The following TLK1 variants were observed in gnomAD, a reference collection of about 807,000 sequenced individuals.
The protein encoded by TLK1 is tousled like kinase 1.
A neutral mutation model predicts 105.3 loss-of-function variants in TLK1; 24 were observed. That is an observed-to-expected ratio of 0.23 (90% CI 0.17 to 0.32). The LOEUF is 0.32. TLK1 is among the 10% of genes least tolerant of loss of function. The probability of loss-of-function intolerance (pLI) is 1.00; values close to 1 mark genes in which losing one functional copy is unlikely to be tolerated. For synonymous variants in TLK1, 321 were observed against 310.4 expected (o/e 1.03, Z -0.36); for missense variants, 558 against 910.5 (o/e 0.61, Z 4.98).
intron 14 of TLK1, 44 bp from the exon 15 acceptor site, chr2:171,007,107 A>T: frequency 6.7e-7 from 1 of 1,500,078 alleles, no homozygotes; most frequent in Non-Finnish European, 9.1e-7. Flanking sequence ...AGACCAATTG[A>T]ATAGCTGAAG....
chr2:171,164,079 A>G (rs1290061148), upstream of TLK1, among the ~76,000 whole-genome samples: 1 of 152,222 alleles, frequency 6.6e-6, no homozygotes, highest in Non-Finnish European at 1.5e-5. Flanking sequence ...AATGATAACT[A>G]GAGGATTACA....
chr2:171,224,348 G>A (rs925787537), intron 1 of TLK1, among the ~76,000 whole-genome samples: 14 of 152,080 alleles, frequency 9.2e-5, no homozygotes, highest in African/African-American at 2.7e-4. Context: ...CTATAGCTTT[G>A]TAGTATAATT....
intron 1 of TLK1, among the ~76,000 whole-genome samples, chr2:171,136,050 A>G (rs1691308313): frequency 6.6e-6 from 1 of 152,210 alleles, no homozygotes; most frequent in Non-Finnish European, 1.5e-5. Flanking sequence ...CACGATACCC[A>G]AGAAGTGGAA....
chr2:171,186,773 CTT>C (rs2105310901), intron 1 of TLK1, among the ~76,000 whole-genome samples: 1 of 152,096 alleles, frequency 6.6e-6, no homozygotes, highest in African/African-American at 2.4e-5. Flanking sequence ...AAAGAATACT[CTT>C]TAGGCTGGGC....
intron 1 of TLK1, among the ~76,000 whole-genome samples, chr2:171,228,954 T>C (rs1234063864): frequency 2.0e-5 from 3 of 152,206 alleles, no homozygotes; most frequent in Non-Finnish European, 2.9e-5. Flanking sequence ...TGGAACAGAA[T>C]TGGGCATCTG....
chr2:171,133,802 T>C (rs1691200426), intron 1 of TLK1, among the ~76,000 whole-genome samples: 1 of 151,730 alleles, frequency 6.6e-6, no homozygotes, highest in African/African-American at 2.4e-5. Flanking sequence ...ATGAGGTATC[T>C]GGGGGATGGG....
In TLK1 at chr2:171,160,568, GGGGGAGGAAACCGAGAAGAGGGGAGGT is replaced by G. The variant is rs1692447293; in HGVS notation, c.-167_-141del. ...GCTGGGAGGGGAGAGTCAAGGGGAT[GGGGGAGGAAACCGAGAAGAGGGGAGGT>G]GGGGAGGAAAGAGGTGAGGGAAGGA... On this transcript the variant is annotated 5_prime_UTR_variant, in exon 1 of 21. Coordinates refer to ENST00000431350, the MANE Select transcript of TLK1 (RefSeq NM_012290.5). This position sits in a 1 kb window ranked among gnomAD's most constrained non-coding sequence, Gnocchi z 4.4. 13 of 1,426,608 alleles carry G rather than the reference GGGGGAGGAAACCGAGAAGAGGGGAGGT, an allele frequency of 9.1e-6. No homozygotes were observed. Among genetic ancestry groups the G allele is most frequent in the Non-Finnish European group, 1.2e-5 (13 of 1,060,122 alleles). 88.4% of individuals were successfully genotyped at this position (1,426,608 alleles called of 1,614,324 possible). A position where few individuals can be genotyped will look rare whatever the true frequency, so the allele number is the denominator to read the frequency against.
chr2:171,070,065 T>C (rs1688181719), intron 3 of TLK1, among the ~76,000 whole-genome samples: 1 of 152,166 alleles, frequency 6.6e-6, no homozygotes, highest in Non-Finnish European at 1.5e-5. Flanking sequence ...GCACCTATTA[T>C]GGTAAAGAAC....
At chr2:171,170,970 C>T (rs111567693) in intron 1 of TLK1, among the ~76,000 whole-genome samples, 335 of 152,200 alleles carry the variant, frequency 2.2e-3, no homozygotes, top group African/African-American at 7.4e-3. Flanking sequence ...GGGGAAAATA[C>T]GTACTTTGAC....
At chr2:171,023,300 T>G (rs563353135) in intron 12 of TLK1, among the ~76,000 whole-genome samples, 2 of 152,288 alleles carry the variant, frequency 1.3e-5, no homozygotes, top group South Asian at 2.1e-4. Context: ...GATACATTTG[T>G]GTTGGTGCTG....
chr2:171,074,527 C>A lies in TLK1; in HGVS notation c.330+8254G>T, dbSNP rs191810918. Among the ~76,000 whole-genome samples the A allele has an allele frequency of 3.4e-3, 513 of 151,050 alleles. 5 individuals carry two copies. Among genetic ancestry groups the A allele is most frequent in the Middle Eastern group, 0.027 (8 of 292 alleles). On this transcript the variant is annotated intron_variant, in intron 3 of 20. Transcript: ENST00000431350. ...CCTACAATCCCAGCTACTTGGGAGG[C>A]TGAGGCCAGAGAATTGCTGAGCCCA... is the stretch of plus-strand genomic sequence containing the variant.
At chr2:171,082,702 T>G in intron 3 of TLK1, 79 bp downstream of exon 3, 2 of 1,143,258 alleles carry the variant, frequency 1.7e-6, no homozygotes, top group Non-Finnish European at 2.6e-6. Context: ...AAAGAACTGA[T>G]GAAGAAACAA....
intron 8 of TLK1, among the ~76,000 whole-genome samples, chr2:171,051,540 G>A (rs1687238224): frequency 1.3e-5 from 2 of 152,086 alleles, no homozygotes; most frequent in Non-Finnish European, 2.9e-5. Flanking sequence ...GAACCTTGAT[G>A]TGACCTTTGA....
Position 171,046,674 on chromosome 2 carries a change from C to T in TLK1, c.981-312G>A, listed in dbSNP as rs531112742. ...TATAGATACTTTATCAGAAAGTGTC[C>T]GGTTAGATGACATCACTCCCTAAGA... On this transcript the variant is annotated intron_variant, in intron 10 of 20. Transcript: ENST00000431350. 1.4e-4 allele frequency among the ~76,000 whole-genome samples: 21 copies of T among 152,172 alleles called. 1 individual carries two copies. Among genetic ancestry groups the T allele is most frequent in the East Asian group, 1.9e-4 (1 of 5,184 alleles).
In TLK1 at chr2:171,004,438, T is replaced by C. The variant is rs148426796; in HGVS notation, c.1904+1709A>G. Among the ~76,000 whole-genome samples, 115 of 152,224 alleles carry C rather than the reference T, an allele frequency of 7.6e-4. 2 individuals are homozygous for C. In the East Asian group the frequency reaches 0.018, roughly 23 times the overall value. On this transcript the variant is annotated intron_variant, in intron 18 of 20. Coordinates refer to ENST00000431350, the MANE Select transcript of TLK1 (RefSeq NM_012290.5). ...CAGCTGTACATAGCTAAACAACTAATATGACTGTAGACATAAACCAATTTT... is the reference window on the plus strand; with the variant it reads ...CAGCTGTACATAGCTAAACAACTAACATGACTGTAGACATAAACCAATTTT...
At chr2:171,060,007 G>A in intron 4 of TLK1, 1 of 1,610,998 alleles carries the variant, frequency 6.2e-7, no homozygotes, top group Non-Finnish European at 8.5e-7. Flanking sequence ...TGAGAGGAGA[G>A]GTCTGCTTTG....
At chr2:171,151,900 G>T (rs1387738778) in intron 1 of TLK1, among the ~76,000 whole-genome samples, 2 of 152,092 alleles carry the variant, frequency 1.3e-5, no homozygotes, top group African/African-American at 4.8e-5. Flanking sequence ...CAAGGAAAAG[G>T]GAAATTTTAT....
At chr2:171,052,609 T>G (rs777167182) in intron 8 of TLK1, among the ~76,000 whole-genome samples, 1 of 152,080 alleles carries the variant, frequency 6.6e-6, no homozygotes, top group Non-Finnish European at 1.5e-5. Flanking sequence ...GGCAAAAGGG[T>G]CCATACTGGA....
chr2:171,220,504 T>C (rs1693788971), intron 1 of TLK1, among the ~76,000 whole-genome samples: 1 of 152,338 alleles, frequency 6.6e-6, no homozygotes, highest in South Asian at 2.1e-4. Context: ...TAAGCCATCA[T>C]GTGGGGACAC....
Sources: gnomAD v4.1 joint callset for allele counts (sites outside exome capture counted in the v4.1 genomes callset) on GRCh38, gnomAD v4.1.1 for gene constraint, Gnocchi (gnomAD v3.1) non-coding constraint, MANE v1.5 for transcripts, NCBI Gene and HGNC (gene_info 2026-07-23, HGNC 2026-07-21) for gene names.